Variants in STARD13 observed in about 807,000 individuals in gnomAD.
STARD13 encodes stAR-related lipid transfer protein 13.
In STARD13, 62 loss-of-function variants were observed where a neutral mutation model predicts 106.4. The observed-to-expected ratio is 0.58, with a 90% CI of 0.48 to 0.72. STARD13 has a LOEUF of 0.72. Among genes scored for constraint, STARD13 ranks in the 30% least tolerant of loss-of-function variants. The probability of loss-of-function intolerance (pLI) is 0.00; values close to 1 mark genes in which losing one functional copy is unlikely to be tolerated. For synonymous variants in STARD13, 565 were observed against 553.0 expected, an observed-to-expected ratio of 1.02 and a Z score of -0.31; for missense variants, 1,387 against 1,424.0, an observed-to-expected ratio of 0.97 and a Z score of 0.42.
the STARD13 span, among the ~76,000 whole-genome samples, chr13:33,393,546 A>C: frequency 6.6e-6 from 1 of 152,214 alleles, no homozygotes; most frequent in Admixed American, 6.5e-5. Context: ...CAGAGGGTCA[A>C]ATGAGATTAT....
chr13:33,195,254 C>T (rs1365705183), intron 1 of STARD13, among the ~76,000 whole-genome samples: 1 of 152,168 alleles, frequency 6.6e-6, no homozygotes, highest in Admixed American at 6.5e-5. Context: ...AATATATATT[C>T]CCCCACAGGA....
the STARD13 span, among the ~76,000 whole-genome samples, chr13:33,606,857 G>C: frequency 2.0e-5 from 3 of 152,148 alleles, no homozygotes; most frequent in South Asian, 2.1e-4. Flanking sequence ...CAAGCTTCTC[G>C]AGGCCCTCTG....
At chr13:33,542,576 C>G in the STARD13 span, among the ~76,000 whole-genome samples, 1 of 152,260 alleles carries the variant, frequency 6.6e-6, no homozygotes, top group African/African-American at 2.4e-5. Flanking sequence ...GCCCTCCCAC[C>G]AAGACGAGGC....
At chr13:33,606,035 C>T in the STARD13 span, among the ~76,000 whole-genome samples, 1 of 152,084 alleles carries the variant, frequency 6.6e-6, no homozygotes, top group Non-Finnish European at 1.5e-5. Flanking sequence ...CACGGTGGGT[C>T]GTGCTTGTAA....
the STARD13 span, among the ~76,000 whole-genome samples, chr13:33,559,919 C>T: frequency 6.6e-6 from 1 of 151,530 alleles, no homozygotes. Context: ...AAGAAGTAGT[C>T]AGCAAGGCAG....
chr13:33,205,339 G>A (rs1402611657), intron 1 of STARD13, among the ~76,000 whole-genome samples: 8 of 152,204 alleles, frequency 5.3e-5, no homozygotes, highest in South Asian at 2.1e-4. Context: ...TGGAAGGCTC[G>A]TAGGAAGTCC....
chr13:33,601,170 G>T, the STARD13 span, among the ~76,000 whole-genome samples: 1 of 151,304 alleles, frequency 6.6e-6, no homozygotes, highest in Admixed American at 6.6e-5. Context: ...GAGGATAAGG[G>T]TTAAATTCAA....
In STARD13 at chr13:33,104,121, C is replaced by G. The variant is rs1158101056; in HGVS notation, c.*1472G>C. On this transcript the variant is annotated 3_prime_UTR_variant, in exon 14 of 14. Coordinates refer to ENST00000336934, the MANE Select transcript of STARD13 (RefSeq NM_178006.4). Reference sequence around the variant, plus strand: ...TTTGCTTTTCTTTTTTTCTCCAACACCAGTTGCTAAATCTTATCAATCTCT... The same window carrying G: ...TTTGCTTTTCTTTTTTTCTCCAACAGCAGTTGCTAAATCTTATCAATCTCT... 3 of 152,150 alleles carry G rather than the reference C, an allele frequency of 2.0e-5. No homozygotes were observed. Among genetic ancestry groups the G allele is most frequent in the Non-Finnish European group, 2.9e-5 (2 of 68,036 alleles). 9.4% of individuals were successfully genotyped at this position (152,150 alleles called of 1,614,324 possible).
chr13:33,423,576 C>G, the STARD13 span, among the ~76,000 whole-genome samples: 7 of 152,170 alleles, frequency 4.6e-5, no homozygotes, highest in African/African-American at 1.7e-4. Flanking sequence ...CCATTTGACC[C>G]AGCGATCCCA....
At chr13:33,219,518 CAAAAAAAAAAAAAA>C (rs55933962) in intron 1 of STARD13, among the ~76,000 whole-genome samples, 6 of 61,212 alleles carry the variant, frequency 9.8e-5, no homozygotes, top group African/African-American at 1.3e-4. Context: ...GACTCCTTCT[CAAAAAAAAAAAAAA>C]AAAAAAAAAA....
intron 8 of STARD13, among the ~76,000 whole-genome samples, chr13:33,116,686 G>C (rs2138093423): frequency 6.6e-6 from 1 of 152,312 alleles, no homozygotes; most frequent in South Asian, 2.1e-4. Context: ...CAAACCATAA[G>C]GGAGACTTAA....
chr13:33,298,895 A>T (rs1292870819), intron 1 of STARD13, among the ~76,000 whole-genome samples: 3 of 152,200 alleles, frequency 2.0e-5, no homozygotes, highest in African/African-American at 4.8e-5. Flanking sequence ...CTGGTTTTAA[A>T]ACCTGAGATA....
At chr13:33,498,784 A>G in the STARD13 span, among the ~76,000 whole-genome samples, 2 of 152,258 alleles carry the variant, frequency 1.3e-5, no homozygotes, top group Non-Finnish European at 2.9e-5. Context: ...CATATTTTCA[A>G]TATTGCATAT....
At chr13:33,509,022 A>T in the STARD13 span, among the ~76,000 whole-genome samples, 3 of 152,222 alleles carry the variant, frequency 2.0e-5, no homozygotes, top group Non-Finnish European at 2.9e-5. Flanking sequence ...TAGAAAAGGT[A>T]CTGTAAAAAT....
At chr13:33,214,967 A>G (rs1255360320) in intron 1 of STARD13, among the ~76,000 whole-genome samples, 1 of 152,118 alleles carries the variant, frequency 6.6e-6, no homozygotes, top group East Asian at 1.9e-4. Context: ...ATCTTGTTTA[A>G]GTCCTTTGGA....
At chr13:33,509,469 G>C in the STARD13 span, among the ~76,000 whole-genome samples, 1 of 152,168 alleles carries the variant, frequency 6.6e-6, no homozygotes, top group Admixed American at 6.6e-5. Flanking sequence ...CATTCAAAGA[G>C]AGCAGGTACA....
intron 1 of STARD13, among the ~76,000 whole-genome samples, chr13:33,248,086 G>A (rs952533729): frequency 3.3e-5 from 5 of 152,100 alleles, no homozygotes; most frequent in African/African-American, 1.2e-4. Flanking sequence ...CTTGACTTTC[G>A]AATGAGTCAG....
chr13:33,667,249 C>T, the STARD13 span, among the ~76,000 whole-genome samples: 1 of 152,194 alleles, frequency 6.6e-6, no homozygotes, highest in Admixed American at 6.5e-5. Context: ...TATTGAGGGA[C>T]AAACAGCATT....
chr13:33,510,331 C>T, the STARD13 span, among the ~76,000 whole-genome samples: 1 of 152,058 alleles, frequency 6.6e-6, no homozygotes, highest in Non-Finnish European at 1.5e-5. Flanking sequence ...TTTGCAAGGG[C>T]CACTTTGAGA....
Sources: gnomAD v4.1 joint callset for allele counts (sites outside exome capture counted in the v4.1 genomes callset) on GRCh38, gnomAD v4.1.1 for gene constraint, MANE v1.5 for transcripts, NCBI Gene and HGNC (gene_info 2026-07-23, HGNC 2026-07-21) for gene names.